VPS13D: variants seen among roughly 807,000 people sequenced by gnomAD.
The protein encoded by VPS13D is intermembrane lipid transfer protein VPS13D.
A neutral mutation model predicts 461.9 loss-of-function variants in VPS13D; 187 were observed. The ratio of observed to expected loss-of-function variants is 0.40; its 90% confidence interval spans 0.36 to 0.46. The LOEUF (loss-of-function observed/expected upper bound fraction) is 0.46. VPS13D is among the 20% of genes least tolerant of loss of function. The pLI, the probability that VPS13D is intolerant of heterozygous loss-of-function variation, is 0.60. For missense variants in VPS13D, 4,711 were observed against 5,364.9 expected (o/e 0.88, Z 3.81); for synonymous variants, 1,951 against 1,986.3 (o/e 0.98, Z 0.47).
At chr1:12,472,014 T>C (rs1453084955) in intron 67 of VPS13D, among the ~76,000 whole-genome samples, 1 of 152,222 alleles carries the variant, frequency 6.6e-6, no homozygotes, top group Non-Finnish European at 1.5e-5. Context: ...GGTTTCTAAT[T>C]AAATTCTCCC....
chr1:12,478,331 C>CG (rs1458063861), intron 67 of VPS13D, among the ~76,000 whole-genome samples: 1 of 152,220 alleles, frequency 6.6e-6, no homozygotes, highest in Non-Finnish European at 1.5e-5. Flanking sequence ...TTAACCAGCA[C>CG]GACGAAAAGG....
Position 12,400,256 on chromosome 1 carries a change from A to G in VPS13D, c.11710A>G (p.Ile3904Val), listed in dbSNP as rs773022511. Residue 3904 changes from isoleucine (I) to valine (V), a missense_variant, in exon 61 of 70, where the codon ATC (isoleucine) becomes GTC (valine). Ile to Val is a conservative substitution (Grantham distance 29, BLOSUM62 3). This residue lies in a region of VPS13D where 4,411 missense variants were observed against 4,937.8 expected (regional missense o/e 0.89). Transcript: ENST00000620676. ...TCCCCTGAGCAATGAGAATGAGGTC[A>G]TCGAGACCGGCCCAGCTGTGCAAGT... is the stretch of plus-strand genomic sequence containing the variant. ...VTPLSNENEV[I>V]ETGPAVQVNA... The G allele has an allele frequency of 1.9e-6, 3 of 1,614,188 alleles. No homozygotes were observed. The highest frequency in any genetic ancestry group is 2.2e-5 in the South Asian group (2 of 91,078).
intron 65 of VPS13D, among the ~76,000 whole-genome samples, chr1:12,451,288 T>TA (rs1645259263): frequency 6.6e-6 from 1 of 152,232 alleles, no homozygotes; most frequent in Non-Finnish European, 1.5e-5. Context: ...GAGTGTGTGT[T>TA]AGCTATTCAG....
Position 12,273,366 on chromosome 1 carries a change from A to G in VPS13D, c.2236+231A>G, listed in dbSNP as rs1386616270. On this transcript the variant is annotated intron_variant, in intron 18 of 69. Transcript: ENST00000620676. ...AAGCTTAATAAAATGTTTACATAAC[A>G]TTTTAAGACCTGAGGGTTCACTTGT... Among the ~76,000 whole-genome samples, 3 of 152,336 alleles carry G rather than the reference A, an allele frequency of 2.0e-5. No individual in the cohort carries two copies. In the East Asian group the frequency reaches 5.8e-4, roughly 29 times the overall value.
chr1:12,412,330 A>G (rs1340353946), intron 63 of VPS13D, among the ~76,000 whole-genome samples: 2 of 152,254 alleles, frequency 1.3e-5, no homozygotes, highest in Non-Finnish European at 2.9e-5. Context: ...CTGCAGTTGA[A>G]AAGCGCAAAG....
At position 12,362,188 on chromosome 1, in the gene VPS13D, A is replaced by G. The variant is rs1643961415; in HGVS notation, c.10142-532A>G. ...ATGAATAAGTTCTATAGTACTTAGCATTATGTTTGAGCTGGATTCTTGGGC... is the reference window on the plus strand; with the variant it reads ...ATGAATAAGTTCTATAGTACTTAGCGTTATGTTTGAGCTGGATTCTTGGGC... On this transcript the variant is annotated intron_variant, in intron 50 of 69. Coordinates refer to ENST00000620676, the MANE Select transcript of VPS13D (RefSeq NM_015378.4). Among the ~76,000 whole-genome samples the G allele has an allele frequency of 1.3e-5, 2 of 152,194 alleles. 1 individual carries two copies. Among genetic ancestry groups the G allele is most frequent in the South Asian group, 4.1e-4 (2 of 4,832 alleles).
In VPS13D at chr1:12,348,853, T is replaced by A; in HGVS notation, c.9100T>A (p.Phe3034Ile). The A allele has an allele frequency of 6.2e-7, 1 of 1,614,222 alleles. No individual in the cohort carries two copies. The highest frequency in any genetic ancestry group is 8.5e-7 in the Non-Finnish European group (1 of 1,180,046). The part of the protein sequence containing the change: ...FSSLPPVRVV[F>I]AVTMEGSARK... ...TTCACTCCCACCAGTGCGGGTGGTC[T>A]TTGCAGTGACTATGGAAGGCAGTGC... The change falls in exon 45 of 70, where the codon TTT becomes ATT. Residue 3034 changes from phenylalanine to isoleucine, a missense_variant. By Grantham distance (21) the Phe-to-Ile change is conservative. Coordinates refer to ENST00000620676, the MANE Select transcript of VPS13D (RefSeq NM_015378.4).
chr1:12,433,913 G>A (rs1055819957), intron 65 of VPS13D, among the ~76,000 whole-genome samples: 2 of 144,162 alleles, frequency 1.4e-5, no homozygotes, highest in African/African-American at 5.2e-5. Flanking sequence ...GAGGTAGGGG[G>A]TGGGGAGAGA....
In VPS13D at chr1:12,268,769, T is replaced by C. The variant is rs755212287; in HGVS notation, c.1865T>C (p.Phe622Ser). The C allele has an allele frequency of 1.2e-6, 2 of 1,614,148 alleles. No homozygotes were observed. ...LYERNPAHSH[F>S]ERRLNVSTRP... ...GAGAGAAATCCGGCGCACAGCCACT[T>C]TGAGAGGCGGCTCAATGTCAGCACA... The change falls in exon 16 of 70, where the codon TTT becomes TCT. Residue 622 changes from phenylalanine to serine, a missense_variant. Physicochemically the swap from Phe to Ser is radical, Grantham distance 155. This residue lies in a region of VPS13D where 4,411 missense variants were observed against 4,937.8 expected (regional missense o/e 0.89). Transcript: ENST00000620676.
chr1:12,376,885 C>T (rs868707934), intron 55 of VPS13D, among the ~76,000 whole-genome samples: 2 of 152,032 alleles, frequency 1.3e-5, no homozygotes, highest in African/African-American at 2.4e-5. Context: ...AGCAGTTAAG[C>T]GTGCTGACTC....
chr1:12,260,641 G>T, intron 10 of VPS13D, 52 bp from the exon 11 acceptor site: 1 of 1,518,334 alleles, frequency 6.6e-7, no homozygotes, highest in African/African-American at 1.4e-5. Flanking sequence ...AGTGTCTCTG[G>T]ATCTACAACG....
chr1:12,276,918 A>G lies in VPS13D; in HGVS notation c.3330A>G (p.Leu1110=). Reference sequence around the variant, plus strand: ...TGATTTCCCTACAGGTGAATAATTTAGATATTATCCTCAATCCAGAGACGA... The same window carrying G: ...TGATTTCCCTACAGGTGAATAATTTGGATATTATCCTCAATCCAGAGACGA... ...LQVISLQVNN[L]DIILNPETIV... Residue 1110 remains leucine (L), a synonymous_variant, in exon 19 of 70, where the codon TTA becomes TTG. Coordinates refer to ENST00000620676, the MANE Select transcript of VPS13D (RefSeq NM_015378.4). This position sits in a 1 kb window ranked among gnomAD's most constrained non-coding sequence, Gnocchi z 4.5. 6.2e-7 allele frequency: 1 copy of G among 1,614,212 alleles called. No homozygotes were observed.
At position 12,282,760 on chromosome 1, in the gene VPS13D, T is replaced by C. The variant is rs1641823754; in HGVS notation, c.4658T>C (p.Val1553Ala). 2 of 1,614,120 alleles carry C rather than the reference T, an allele frequency of 1.2e-6. No individual in the cohort carries two copies. Among genetic ancestry groups the C allele is most frequent in the Non-Finnish European group, 1.7e-6 (2 of 1,179,990 alleles). The change falls in exon 21 of 70, where the codon GTG becomes GCG. Residue 1553 changes from valine (V) to alanine (A), a missense_variant. Physicochemically the swap from Val to Ala is moderately conservative, Grantham distance 64. Coordinates refer to ENST00000620676, the MANE Select transcript of VPS13D (RefSeq NM_015378.4). ...GTTTTACAAACCCTGGACAATCTCG[T>C]GTACAGTGAAGATCTGAATAAGTAT... ...EQVLQTLDNL[V>A]YSEDLNKYPA...
intron 50 of VPS13D, among the ~76,000 whole-genome samples, chr1:12,361,391 A>ATTTT (rs1158608905): frequency 1.8e-4 from 26 of 140,910 alleles, no homozygotes; most frequent in Admixed American, 9.6e-4. Context: ...TTATTTATTT[A>ATTTT]TTTATTTATT....
At chr1:12,240,645 T>C (rs1640320740) in intron 2 of VPS13D, among the ~76,000 whole-genome samples, 2 of 150,436 alleles carry the variant, frequency 1.3e-5, no homozygotes, top group Non-Finnish European at 2.9e-5. Context: ...AATCATGCTC[T>C]TCAAAAGAAG....
intron 67 of VPS13D, among the ~76,000 whole-genome samples, chr1:12,466,971 T>G (rs1217265898): frequency 6.6e-6 from 1 of 152,184 alleles, no homozygotes; most frequent in African/African-American, 2.4e-5. Flanking sequence ...CGTATATATT[T>G]GTGAGGTGAG....
intron 6 of VPS13D, among the ~76,000 whole-genome samples, chr1:12,251,226 C>T (rs1413047727): frequency 6.6e-6 from 1 of 152,242 alleles, no homozygotes; most frequent in Non-Finnish European, 1.5e-5. Context: ...ATCCCTGCTC[C>T]TCACCCTGTG....
At chr1:12,345,652 G>A in intron 43 of VPS13D, 143 bp downstream of exon 43, 1 of 1,161,460 alleles carries the variant, frequency 8.6e-7, no homozygotes, top group African/African-American at 1.5e-5. Context: ...CATAGGCATT[G>A]GTAATCAATA....
In VPS13D at chr1:12,385,323, G is replaced by T; in HGVS notation, c.11434G>T (p.Glu3812Ter). 1.9e-6 allele frequency: 3 copies of T among 1,613,898 alleles called. No homozygotes were observed. Among genetic ancestry groups the T allele is most frequent in the South Asian group, 1.1e-5 (1 of 91,038 alleles). ...SYEVDELPVT[E>*]QELQKLKNPD... ...TGAAGTGGATGAACTTCCTGTCACCGAACAAGAGCTGCAGAAATTAAAGAA... is the reference window on the plus strand; with the variant it reads ...TGAAGTGGATGAACTTCCTGTCACCTAACAAGAGCTGCAGAAATTAAAGAA... The change falls in exon 59 of 70, where the codon GAA becomes TAA. Residue 3812 changes from glutamate to a stop codon, truncating the protein, a stop_gained. Transcript: ENST00000620676. LOFTEE classifies it high-confidence loss of function.
Sources: allele counts gnomAD v4.1 joint callset (sites outside exome capture counted in the v4.1 genomes callset), GRCh38; gene constraint gnomAD v4.1.1; regional missense constraint gnomAD v4.1.1; non-coding constraint Gnocchi (gnomAD v3.1); transcripts MANE v1.5; gene names NCBI Gene and HGNC (gene_info 2026-07-23, HGNC 2026-07-21).